GNB4: variants seen among roughly 807,000 people sequenced by gnomAD.
GNB4 encodes the protein G protein subunit beta 4.
In GNB4, 28 loss-of-function variants were observed where a neutral mutation model predicts 45.2. That is an observed-to-expected ratio of 0.62 (90% CI 0.46 to 0.85). The LOEUF is 0.85. Ranked by LOEUF, GNB4 falls within the 40% of genes least tolerant of loss-of-function variation. The probability of loss-of-function intolerance (pLI) is 0.00; values close to 1 mark genes in which losing one functional copy is unlikely to be tolerated. For synonymous variants in GNB4, 132 were observed against 143.7 expected, an observed-to-expected ratio of 0.92 and a Z score of 0.58; for missense variants, 321 against 425.4, an observed-to-expected ratio of 0.75 and a Z score of 2.16.
chr3:179,462,554 G>A, the GNB4 span, among the ~76,000 whole-genome samples: 24 of 152,190 alleles, frequency 1.6e-4, no homozygotes, highest in African/African-American at 5.1e-4. Flanking sequence ...AAAATAATTG[G>A]TTGGCCGGGC....
the GNB4 span, among the ~76,000 whole-genome samples, chr3:179,461,358 G>A: frequency 6.6e-6 from 1 of 152,150 alleles, no homozygotes; most frequent in Admixed American, 6.5e-5. Flanking sequence ...TTAGCCAGGT[G>A]TGGTAGCGGG....
chr3:179,450,373 GT>G (rs1419620843), intron 1 of GNB4, among the ~76,000 whole-genome samples: 2 of 152,150 alleles, frequency 1.3e-5, no homozygotes, highest in African/African-American at 4.8e-5. Flanking sequence ...AGTAGCGTGT[GT>G]TCTGTCTCTG....
chr3:179,472,370 C>CTTTT, the GNB4 span, among the ~76,000 whole-genome samples: 2 of 134,136 alleles, frequency 1.5e-5, no homozygotes, highest in South Asian at 2.3e-4. Flanking sequence ...TTCTTTCTTT[C>CTTTT]TTTTTTTTTT....
the GNB4 span, among the ~76,000 whole-genome samples, chr3:179,468,035 A>AAAAAAAATATATATATATATATATAT: frequency 1.1e-3 from 95 of 89,850 alleles, 1 homozygote; most frequent in African/African-American, 3.7e-3. Flanking sequence ...TGTTGATAAA[A>AAAAAAAATATATATATATATATATAT]ATATATATAT....
chr3:179,423,082 TGCCCAGCCAG>T (rs1715040739), intron 2 of GNB4, among the ~76,000 whole-genome samples: 1 of 152,146 alleles, frequency 6.6e-6, no homozygotes, highest in Non-Finnish European at 1.5e-5. Flanking sequence ...TGAGCCACCG[TGCCCAGCCAG>T]AAAGATTTTT....
At chr3:179,522,294 C>A in the GNB4 span, among the ~76,000 whole-genome samples, 1 of 152,134 alleles carries the variant, frequency 6.6e-6, no homozygotes, top group Non-Finnish European at 1.5e-5. Flanking sequence ...CCCGCCCCTG[C>A]CCACCAGAGA....
chr3:179,487,995 G>C, the GNB4 span, among the ~76,000 whole-genome samples: 1 of 151,420 alleles, frequency 6.6e-6, no homozygotes, highest in Middle Eastern at 3.4e-3. Flanking sequence ...AGGTTGCAGT[G>C]AGCAGAGATC....
chr3:179,520,338 G>T, the GNB4 span, among the ~76,000 whole-genome samples: 1 of 152,038 alleles, frequency 6.6e-6, no homozygotes, highest in Non-Finnish European at 1.5e-5. Context: ...ATCATGTCCA[G>T]CTAATCTCCA....
At chr3:179,493,150 G>C in the GNB4 span, among the ~76,000 whole-genome samples, 1 of 151,974 alleles carries the variant, frequency 6.6e-6, no homozygotes, top group African/African-American at 2.4e-5. Flanking sequence ...ATCAATACAA[G>C]GCCTCAAGAA....
At chr3:179,424,758 C>T (rs1715094630) in intron 2 of GNB4, among the ~76,000 whole-genome samples, 1 of 152,150 alleles carries the variant, frequency 6.6e-6, no homozygotes, top group Non-Finnish European at 1.5e-5. Context: ...GCACAAGCCA[C>T]CACACCCGGC....
chr3:179,417,029 C>T (rs1336200344), intron 4 of GNB4, among the ~76,000 whole-genome samples: 2 of 152,126 alleles, frequency 1.3e-5, no homozygotes, highest in Non-Finnish European at 2.9e-5. Context: ...GAAGATAAGA[C>T]ATTTACTCAT....
At chr3:179,517,031 A>G in the GNB4 span, among the ~76,000 whole-genome samples, 1 of 152,164 alleles carries the variant, frequency 6.6e-6, no homozygotes, top group Non-Finnish European at 1.5e-5. Flanking sequence ...AACCTCTTTC[A>G]GTCCATATAA....
In GNB4 at chr3:179,396,495, C is replaced by T. The variant is rs1714120808; in HGVS notation, c.*4718G>A. Reference sequence around the variant, plus strand: ...GGATAGAGCACCATTGTGTAAAAGACAAAAGGCTTGAGATATCTACCAAGT... The same window carrying T: ...GGATAGAGCACCATTGTGTAAAAGATAAAAGGCTTGAGATATCTACCAAGT... On this transcript the variant is annotated 3_prime_UTR_variant, in exon 10 of 10. Transcript: ENST00000232564. The T allele has an allele frequency of 6.6e-6, 1 of 152,160 alleles. No individual in the cohort carries two copies. Among genetic ancestry groups the T allele is most frequent in the Non-Finnish European group, 1.5e-5 (1 of 68,018 alleles). The allele number at this position is 152,160 out of a possible 1,614,324, so 9.4% of individuals were successfully genotyped here.
rs117512271 is a variant in GNB4 at position 179,407,328 on chromosome 3, G to A, written c.700-1922C>T. Among the ~76,000 whole-genome samples, 258 of 152,216 alleles carry A rather than the reference G, an allele frequency of 1.7e-3. 2 individuals carry two copies. In the East Asian group the frequency reaches 0.037, roughly 22 times the overall value. Reference sequence around the variant, plus strand: ...ACAAAAATTAGCACAGCGTGTTGGCGGGTGCCTGTAGTCCCAGCTACCTGG... The same window carrying A: ...ACAAAAATTAGCACAGCGTGTTGGCAGGTGCCTGTAGTCCCAGCTACCTGG... On this transcript the variant is annotated intron_variant, in intron 8 of 9. Transcript: ENST00000232564.
At chr3:179,502,874 C>G in the GNB4 span, among the ~76,000 whole-genome samples, 480 of 152,334 alleles carry the variant, frequency 3.2e-3, 2 homozygotes, top group African/African-American at 0.011. Context: ...GAGCCTTGCT[C>G]TGTCATCCAG....
chr3:179,439,193 G>C (rs1209980992), intron 1 of GNB4, among the ~76,000 whole-genome samples: 1 of 152,146 alleles, frequency 6.6e-6, no homozygotes, highest in African/African-American at 2.4e-5. Flanking sequence ...ACTGGTCTAA[G>C]CTCTTATTTA....
chr3:179,520,142 C>T, the GNB4 span, among the ~76,000 whole-genome samples: 2 of 66,966 alleles, frequency 3.0e-5, no homozygotes, highest in African/African-American at 1.1e-4. Context: ...TTGCACCCTT[C>T]ATCCCAGCCT....
chr3:179,404,631 T>C (rs2108579045), intron 9 of GNB4, among the ~76,000 whole-genome samples: 1 of 152,318 alleles, frequency 6.6e-6, no homozygotes, highest in Non-Finnish European at 1.5e-5. Flanking sequence ...CTGCTGTGTT[T>C]TGGTAACAAG....
chr3:179,430,638 T>TG (rs1438741539), intron 1 of GNB4, among the ~76,000 whole-genome samples: 1 of 143,062 alleles, frequency 7.0e-6, no homozygotes, highest in Non-Finnish European at 1.5e-5. Flanking sequence ...TTTTTTTTTT[T>TG]GAGAAATAGT....
Sources: gnomAD v4.1 joint callset for allele counts (sites outside exome capture counted in the v4.1 genomes callset) on GRCh38, gnomAD v4.1.1 for gene constraint, MANE v1.5 for transcripts, NCBI Gene and HGNC (gene_info 2026-07-23, HGNC 2026-07-21) for gene names.